PTPRD: variants seen among roughly 807,000 people sequenced by gnomAD.
PTPRD encodes the protein protein tyrosine phosphatase receptor type D.
Under a neutral mutation model 214.5 loss-of-function variants are expected in PTPRD, and 34 were observed. The ratio of observed to expected loss-of-function variants is 0.16; its 90% CI spans 0.12 to 0.21. The LOEUF (loss-of-function observed/expected upper bound fraction) is 0.21, where lower values mean the gene tolerates loss of function less well. PTPRD is among the 10% of genes least tolerant of loss of function. The probability of loss-of-function intolerance (pLI) is 1.00; values close to 1 mark genes in which losing one functional copy is unlikely to be tolerated. For missense variants in PTPRD, 2,545 were observed against 2,398.7 expected (o/e 1.06, Z -1.27); for synonymous variants, 1,128 against 845.7 (o/e 1.33, Z -5.79).
At chr9:8,920,209 C>T (rs917841543) in intron 11 of PTPRD, among the ~76,000 whole-genome samples, 9 of 151,928 alleles carry the variant, frequency 5.9e-5, no homozygotes, top group Non-Finnish European at 1.2e-4. Context: ...GGTGTGGTGG[C>T]AAACACCTGT....
intron 7 of PTPRD, among the ~76,000 whole-genome samples, chr9:9,656,089 C>G (rs1391238488): frequency 6.6e-6 from 1 of 152,106 alleles, no homozygotes; most frequent in South Asian, 2.1e-4. Context: ...ACGATCTATT[C>G]CCATGGGGAA....
At chr9:9,590,969 G>A (rs1592371930) in intron 7 of PTPRD, among the ~76,000 whole-genome samples, 1 of 151,908 alleles carries the variant, frequency 6.6e-6, no homozygotes, top group Admixed American at 6.6e-5. Context: ...CTCCATTTTG[G>A]TATCTTAATT....
At chr9:8,596,838 A>G (rs187354147) in intron 14 of PTPRD, among the ~76,000 whole-genome samples, 1 of 152,226 alleles carries the variant, frequency 6.6e-6, no homozygotes, top group Admixed American at 6.5e-5. Context: ...GAAACTAAGT[A>G]AACTTGTGAT....
chr9:10,168,654 G>C (rs1345697570), intron 3 of PTPRD, among the ~76,000 whole-genome samples: 1 of 152,034 alleles, frequency 6.6e-6, no homozygotes, highest in Non-Finnish European at 1.5e-5. Flanking sequence ...CCAATATAAA[G>C]TTTTTAGCCA....
chr9:10,319,644 G>A (rs984771700), intron 3 of PTPRD, among the ~76,000 whole-genome samples: 2 of 151,854 alleles, frequency 1.3e-5, no homozygotes, highest in Non-Finnish European at 2.9e-5. Context: ...TGGATATACA[G>A]GATTGAAAAT....
In PTPRD at chr9:8,317,179, TTGATA is replaced by T; in HGVS notation, c.*690_*694del. The T allele has an allele frequency of 4.3e-6, 1 of 232,064 alleles. No individual in the cohort carries two copies. Among genetic ancestry groups the T allele is most frequent in the Non-Finnish European group, 8.5e-6 (1 of 117,054 alleles). 14.4% of individuals were successfully genotyped at this position (232,064 alleles called of 1,614,324 possible). A position where few individuals can be genotyped will look rare whatever the true frequency, so the allele number is the denominator to read the frequency against. ...AAAAATGTGCAAATTTTCAAATGAT[TTGATA>T]TTTCTACAGCAAGATATTACAGATA... On this transcript the variant is annotated 3_prime_UTR_variant, in exon 46 of 46. Transcript: ENST00000381196.
chr9:9,636,657 G>C (rs142400432), intron 7 of PTPRD, among the ~76,000 whole-genome samples: 1 of 152,292 alleles, frequency 6.6e-6, no homozygotes, highest in African/African-American at 2.4e-5. Flanking sequence ...TGAAAGTATA[G>C]AAGACAGATT....
At chr9:9,674,178 T>C (rs2096885062) in intron 7 of PTPRD, among the ~76,000 whole-genome samples, 1 of 151,772 alleles carries the variant, frequency 6.6e-6, no homozygotes. Context: ...AACTAAAATA[T>C]AAACAAAAGT....
At chr9:10,218,566 A>G (rs533716202) in intron 3 of PTPRD, among the ~76,000 whole-genome samples, 1 of 151,922 alleles carries the variant, frequency 6.6e-6, no homozygotes, top group African/African-American at 2.4e-5. Context: ...ACTTACCTTT[A>G]CCTCTAAGAG....
intron 3 of PTPRD, among the ~76,000 whole-genome samples, chr9:10,235,233 T>C (rs887064384): frequency 6.6e-6 from 1 of 151,972 alleles, no homozygotes; most frequent in African/African-American, 2.4e-5. Context: ...GCTAAACGGA[T>C]TACATTTTTA....
At chr9:9,208,238 T>C (rs1400083630) in intron 9 of PTPRD, among the ~76,000 whole-genome samples, 1 of 151,570 alleles carries the variant, frequency 6.6e-6, no homozygotes, top group Admixed American at 6.6e-5. Context: ...ATGGTCTCGA[T>C]CTCCTGACCT....
At chr9:8,616,791 G>T (rs1033497041) in intron 14 of PTPRD, among the ~76,000 whole-genome samples, 1 of 152,078 alleles carries the variant, frequency 6.6e-6, no homozygotes, top group African/African-American at 2.4e-5. Context: ...TTTATTCTTA[G>T]ATGTTTTGGA....
rs1273212467 is a variant in PTPRD at position 8,465,508 on chromosome 9, T to C, written c.3672A>G (p.Glu1224=). 1.2e-6 allele frequency: 2 copies of C among 1,612,444 alleles called. No individual in the cohort carries two copies. The highest frequency in any genetic ancestry group is 1.7e-5 in the Admixed American group (1 of 59,878). Residue 1224 remains glutamate (E), a synonymous_variant, in exon 32 of 46, where the codon GAA becomes GAG. Coordinates refer to ENST00000381196, the MANE Select transcript of PTPRD (RefSeq NM_002839.4). ...TTACTGCTAACACAAAGAAGACATA[T>C]TCTTGACCACTTTGGAGTTGCTTGT... ...FTNKQLQSGQ[E]YVFFVLAVME... is the part of the protein sequence containing the mutation.
intron 3 of PTPRD, among the ~76,000 whole-genome samples, chr9:10,053,364 T>G (rs973907067): frequency 6.6e-6 from 1 of 152,124 alleles, no homozygotes; most frequent in African/African-American, 2.4e-5. Context: ...GTAGTCTGAG[T>G]TTTTGCCCCT....
chr9:9,546,175 A>C (rs1182780969), intron 8 of PTPRD, among the ~76,000 whole-genome samples: 2 of 151,558 alleles, frequency 1.3e-5, no homozygotes, highest in Non-Finnish European at 3.0e-5. Context: ...AGTTTTGTGC[A>C]TTAATCTTAG....
chr9:9,069,282 T>C (rs2154407321), intron 10 of PTPRD, among the ~76,000 whole-genome samples: 1 of 152,284 alleles, frequency 6.6e-6, no homozygotes, highest in East Asian at 1.9e-4. Context: ...AAGTCAATGC[T>C]TATTAAAAGA....
intron 11 of PTPRD, among the ~76,000 whole-genome samples, chr9:8,839,999 A>T (rs558057213): frequency 4.1e-4 from 62 of 152,340 alleles, no homozygotes; most frequent in Admixed American, 1.6e-3. Context: ...AGATAAAAGG[A>T]TTATGAGCAA....
chr9:9,160,255 G>C (rs1315451989), intron 10 of PTPRD, among the ~76,000 whole-genome samples: 1 of 152,082 alleles, frequency 6.6e-6, no homozygotes, highest in African/African-American at 2.4e-5. Flanking sequence ...TGAAGAGACA[G>C]CTCACAGAAC....
chr9:10,424,687 G>A (rs916461834), intron 2 of PTPRD, among the ~76,000 whole-genome samples: 3 of 152,038 alleles, frequency 2.0e-5, no homozygotes, highest in East Asian at 3.9e-4. Context: ...CAGAGTCACC[G>A]AGTTTCTAAT....
Sources: allele counts gnomAD v4.1 joint callset (sites outside exome capture counted in the v4.1 genomes callset), GRCh38; gene constraint gnomAD v4.1.1; transcripts MANE v1.5; gene names NCBI Gene and HGNC (gene_info 2026-07-23, HGNC 2026-07-21).